The following SSH2 variants were observed in gnomAD, a reference collection of about 807,000 sequenced individuals.
The protein encoded by SSH2 is slingshot protein phosphatase 2.
In SSH2, 37 loss-of-function variants were observed where a neutral mutation model predicts 135.2. The ratio of observed to expected loss-of-function variants is 0.27; its 90% CI spans 0.21 to 0.36. The LOEUF (loss-of-function observed/expected upper bound fraction) is 0.36. Among genes scored for constraint, SSH2 ranks in the 10% least tolerant of loss-of-function variants. The pLI is 1.00. For missense variants in SSH2, 1,408 were observed against 1,765.3 expected (o/e 0.80, Z 3.63); for synonymous variants, 628 against 646.2 (o/e 0.97, Z 0.43).
chr17:29,891,287 T>C (rs779075207), intron 1 of SSH2, among the ~76,000 whole-genome samples: 23 of 152,156 alleles, frequency 1.5e-4, no homozygotes, highest in Non-Finnish European at 2.9e-5. Context: ...AGAGACTGAG[T>C]AGGACAGAGA....
intron 2 of SSH2, among the ~76,000 whole-genome samples, chr17:29,832,820 C>G (rs1302216624): frequency 6.6e-6 from 1 of 152,178 alleles, no homozygotes; most frequent in Non-Finnish European, 1.5e-5. Flanking sequence ...GTGTGCACCA[C>G]CACACCCAGA....
At chr17:29,774,561 A>C (rs937522446) in intron 3 of SSH2, among the ~76,000 whole-genome samples, 1 of 152,104 alleles carries the variant, frequency 6.6e-6, no homozygotes. Flanking sequence ...CACTGCACCC[A>C]GCTTATTAAT....
rs757855681 is a variant in SSH2, at chr17:29,632,304, A to G, written c.2890T>C (p.Tyr964His). The G allele has an allele frequency of 6.2e-7, 1 of 1,614,036 alleles. No individual in the cohort carries two copies. The highest frequency in any genetic ancestry group is 8.5e-7 in the Non-Finnish European group (1 of 1,179,954). ...AGTGAGCCAGCCTCAGACCCACTGTATTTCCCTTTGCCTTTGCTCATTTCT... is the reference window on the plus strand; with the variant it reads ...AGTGAGCCAGCCTCAGACCCACTGTGTTTCCCTTTGCCTTTGCTCATTTCT... The part of the protein sequence containing the change: ...EPEMSKGKGK[Y>H]SGSEAGSLSH... The change falls in exon 16 of 16, where the codon TAC becomes CAC. Residue 964 changes from tyrosine (Y) to histidine (H), a missense_variant. By Grantham distance (83) the Tyr-to-His change is moderately conservative. This residue lies in a region of SSH2 where 1,080 missense variants were observed against 1,144.5 expected (regional missense o/e 0.94). Coordinates refer to ENST00000540801, the MANE Select transcript of SSH2 (RefSeq NM_001282129.2).
intron 2 of SSH2, among the ~76,000 whole-genome samples, chr17:29,800,553 G>C (rs986061452): frequency 6.6e-6 from 1 of 152,140 alleles, no homozygotes; most frequent in Non-Finnish European, 1.5e-5. Context: ...CAGGAGAAAA[G>C]TGTAGAGACA....
intron 2 of SSH2, among the ~76,000 whole-genome samples, chr17:29,817,353 CTT>C (rs898023950): frequency 4.6e-5 from 7 of 152,110 alleles, no homozygotes; most frequent in African/African-American, 1.4e-4. Flanking sequence ...TTGTTTTTAT[CTT>C]GAGATTACTT....
chr17:29,814,185 C>T (rs1168153386), intron 2 of SSH2, among the ~76,000 whole-genome samples: 1 of 143,562 alleles, frequency 7.0e-6, no homozygotes, highest in African/African-American at 2.6e-5. Flanking sequence ...CCTGTAATTC[C>T]AGCACTTTGG....
chr17:29,730,654 G>A (rs1042494944), intron 3 of SSH2, among the ~76,000 whole-genome samples: 1 of 151,870 alleles, frequency 6.6e-6, no homozygotes, highest in Non-Finnish European at 1.5e-5. Context: ...GCCCAGGCTG[G>A]TCTCGAACTC....
Position 29,632,066 on chromosome 17 carries a change from T to C in SSH2, c.3128A>G (p.His1043Arg), listed in dbSNP as rs1300612632. 2 of 1,614,238 alleles carry C rather than the reference T, an allele frequency of 1.2e-6. No homozygotes were observed. Among genetic ancestry groups the C allele is most frequent in the Non-Finnish European group, 1.7e-6 (2 of 1,180,042 alleles). The change falls in exon 16 of 16, where the codon CAC becomes CGC. Residue 1043 changes from histidine (H) to arginine (R), a missense_variant. His to Arg is a conservative substitution (Grantham distance 29). Coordinates refer to ENST00000540801, the MANE Select transcript of SSH2 (RefSeq NM_001282129.2). ...PKRVEIIEYT[H>R]IVTSPNHTGP... is the part of the protein sequence containing the mutation. ...AGTGTGATTGGGTGATGTAACTATG[T>C]GGGTATATTCAATGATTTCTACCCT...
chr17:29,832,902 G>T (rs2042872998), intron 2 of SSH2, among the ~76,000 whole-genome samples: 1 of 151,394 alleles, frequency 6.6e-6, no homozygotes, highest in Non-Finnish European at 1.5e-5. Flanking sequence ...CCTGGCCTCA[G>T]GTGATCCACC....
In SSH2 at chr17:29,889,206, G is replaced by T. The variant is rs556806722; in HGVS notation, c.64-40277C>A. Among the ~76,000 whole-genome samples the T allele has an allele frequency of 5.9e-5, 9 of 152,138 alleles. No individual in the cohort carries two copies. The East Asian group carries it at 1.4e-3, about 23-fold the overall frequency. Reference sequence around the variant, plus strand: ...TCACACTTGTAATCCCAGCACTTTGGGGGGCCAAGGCAGGTGGATCACTTG... The same window carrying T: ...TCACACTTGTAATCCCAGCACTTTGTGGGGCCAAGGCAGGTGGATCACTTG... On this transcript the variant is annotated intron_variant, in intron 1 of 15. Transcript: ENST00000540801.
chr17:29,628,144 C>G lies in SSH2; in HGVS notation c.*2697G>C, dbSNP rs2035553021. ...CACTGCGCACCTCCCCTGGACACTG[C>G]TCAGCTATGTAAATAACCCAGGAAC... is the stretch of plus-strand genomic sequence containing the variant. On this transcript the variant is annotated 3_prime_UTR_variant, in exon 16 of 16. Coordinates refer to ENST00000540801, the MANE Select transcript of SSH2 (RefSeq NM_001282129.2). 1 of 152,314 alleles carries G rather than the reference C, an allele frequency of 6.6e-6. No homozygotes were observed. Among genetic ancestry groups the G allele is most frequent in the African/African-American group, 2.4e-5 (1 of 41,554 alleles). The allele number at this position is 152,314 out of a possible 1,614,324, so 9.4% of individuals were successfully genotyped here.
intron 5 of SSH2, among the ~76,000 whole-genome samples, chr17:29,691,207 A>C (rs1268631364): frequency 2.0e-5 from 3 of 152,150 alleles, no homozygotes; most frequent in Non-Finnish European, 2.9e-5. Flanking sequence ...ATTTTCTTGA[A>C]TTCTCCTGCA....
At chr17:29,806,132 G>A (rs575036541) in intron 2 of SSH2, among the ~76,000 whole-genome samples, 60 of 151,996 alleles carry the variant, frequency 3.9e-4, no homozygotes, top group African/African-American at 1.3e-3. Context: ...GACAGCATGC[G>A]GCACCCATCA....
At chr17:29,861,803 C>T (rs2151407849) in intron 1 of SSH2, among the ~76,000 whole-genome samples, 1 of 152,312 alleles carries the variant, frequency 6.6e-6, no homozygotes, top group South Asian at 2.1e-4. Context: ...ATGATCCGCC[C>T]ACCTGGGCCT....
intron 2 of SSH2, among the ~76,000 whole-genome samples, chr17:29,832,704 C>T (rs560757958): frequency 3.3e-5 from 5 of 151,970 alleles, no homozygotes; most frequent in African/African-American, 9.7e-5. Context: ...ACAGTCTTAC[C>T]CTACTGCCCA....
chr17:29,657,574 GTTTTTTTTT>G (rs764763821), intron 11 of SSH2, among the ~76,000 whole-genome samples: 13 of 80,078 alleles, frequency 1.6e-4, no homozygotes, highest in Non-Finnish European at 2.9e-4. Flanking sequence ...CGGCTACTTT[GTTTTTTTTT>G]TTTTTTTTTT....
intron 1 of SSH2, among the ~76,000 whole-genome samples, chr17:29,857,486 T>A (rs2065683478): frequency 6.6e-6 from 1 of 152,116 alleles, no homozygotes; most frequent in East Asian, 1.9e-4. Context: ...TCAAACCATA[T>A]CAACCATCTT....
At chr17:29,681,907 G>C (rs2151071675) in intron 6 of SSH2, among the ~76,000 whole-genome samples, 1 of 152,192 alleles carries the variant, frequency 6.6e-6, no homozygotes, top group Middle Eastern at 3.4e-3. Context: ...ACTGTCCAAG[G>C]AACTCATTAA....
Position 29,766,466 on chromosome 17 carries a change from A to T in SSH2, c.188+27428T>A, listed in dbSNP as rs116707805. On this transcript the variant is annotated intron_variant, in intron 3 of 15. Coordinates refer to ENST00000540801, the MANE Select transcript of SSH2 (RefSeq NM_001282129.2). ...GAGTGAGACGCTGTCTCAAAAAAAA[A>T]AATAATAATAATAAAGAAAAAAATA... Among the ~76,000 whole-genome samples, 1,366 of 152,018 alleles carry T rather than the reference A, an allele frequency of 9.0e-3. 11 individuals carry two copies. Among genetic ancestry groups the T allele is most frequent in the African/African-American group, 0.029 (1,191 of 41,502 alleles).
Sources: gnomAD v4.1 joint callset for allele counts (sites outside exome capture counted in the v4.1 genomes callset) on GRCh38, gnomAD v4.1.1 for gene constraint, gnomAD v4.1.1 regional missense constraint, MANE v1.5 for transcripts, NCBI Gene and HGNC (gene_info 2026-07-23, HGNC 2026-07-21) for gene names.